The following FGGY variants were observed in gnomAD, a reference collection of about 807,000 sequenced individuals.
FGGY encodes the protein FGGY carbohydrate kinase domain-containing protein.
FGGY carries 72 observed loss-of-function variants against 71.3 expected under a neutral mutation model. The ratio of observed to expected loss-of-function variants is 1.01; its 90% CI spans 0.84 to 1.23. The LOEUF (loss-of-function observed/expected upper bound fraction) is 1.23. FGGY is among the 50% of genes most tolerant of loss of function. FGGY has a pLI of 0.00. For missense variants in FGGY, 668 were observed against 682.3 expected (o/e 0.98, Z 0.23); for synonymous variants, 251 against 250.3 (o/e 1.00, Z -0.02).
intron 5 of FGGY, among the ~76,000 whole-genome samples, chr1:59,412,191 T>C (rs767500480): frequency 1.4e-4 from 21 of 152,192 alleles, no homozygotes; most frequent in Non-Finnish European, 2.6e-4. Flanking sequence ...CCTCACCTCA[T>C]GCTGCATGCT....
intron 7 of FGGY, among the ~76,000 whole-genome samples, chr1:59,533,803 A>T (rs989980363): frequency 4.6e-5 from 7 of 152,228 alleles, no homozygotes; most frequent in Non-Finnish European, 7.3e-5. Flanking sequence ...ACAAACAGAA[A>T]GGACATCCAC....
chr1:59,371,784 T>G (rs2057691991), intron 4 of FGGY, among the ~76,000 whole-genome samples: 1 of 152,130 alleles, frequency 6.6e-6, no homozygotes, highest in Non-Finnish European at 1.5e-5. Flanking sequence ...ACATGGAAAC[T>G]GAACAACCTG....
chr1:59,582,769 C>T lies in FGGY; in HGVS notation c.904-25034C>T, dbSNP rs551508111. 2.6e-4 allele frequency among the ~76,000 whole-genome samples: 39 copies of T among 150,162 alleles called. 1 individual carries two copies. The highest frequency in any genetic ancestry group is 5.0e-4 in the Non-Finnish European group (34 of 67,954). ...GTGAATTCCTTGAGGACAGATATTGCGGAGCATTCATTTCTATATCACCAC... is the reference window on the plus strand; with the variant it reads ...GTGAATTCCTTGAGGACAGATATTGTGGAGCATTCATTTCTATATCACCAC... On this transcript the variant is annotated intron_variant, in intron 8 of 15. Coordinates refer to ENST00000303721, the MANE Select transcript of FGGY (RefSeq NM_018291.5).
intron 5 of FGGY, among the ~76,000 whole-genome samples, chr1:59,453,245 T>A (rs1267315970): frequency 1.3e-5 from 2 of 152,198 alleles, no homozygotes; most frequent in Non-Finnish European, 2.9e-5. Flanking sequence ...AGGAGGGAGT[T>A]GCCAGAGGCA....
rs112823613 is a variant in FGGY, at chr1:59,611,589, T to C, written c.1011+3679T>C. ...AAACTGAAAATTCTAAAAATCAGAG[T>C]GCCTCTCCTCCTCCAAAGGAACGCA... On this transcript the variant is annotated intron_variant, in intron 9 of 15. Transcript: ENST00000303721. Among the ~76,000 whole-genome samples the C allele has an allele frequency of 8.5e-3, 1,297 of 152,192 alleles. 24 individuals carry two copies. Among genetic ancestry groups the C allele is most frequent in the African/African-American group, 0.03 (1,236 of 41,508 alleles).
chr1:59,361,731 C>G (rs2055562549), intron 4 of FGGY, among the ~76,000 whole-genome samples: 1 of 152,192 alleles, frequency 6.6e-6, no homozygotes, highest in African/African-American at 2.4e-5. Context: ...CCCGACTCTT[C>G]TATCTCAAAG....
chr1:59,694,030 G>A (rs900605636), intron 14 of FGGY, among the ~76,000 whole-genome samples: 10 of 149,978 alleles, frequency 6.7e-5, no homozygotes, highest in African/African-American at 2.2e-4. Context: ...GGCCGGGCGC[G>A]GTGGCTCACG....
At chr1:59,752,353 A>G (rs1472301299) in intron 14 of FGGY, among the ~76,000 whole-genome samples, 3 of 152,166 alleles carry the variant, frequency 2.0e-5, no homozygotes, top group Non-Finnish European at 4.4e-5. Context: ...CTGGGAGTTC[A>G]TATATAGCTT....
intron 5 of FGGY, among the ~76,000 whole-genome samples, chr1:59,405,971 T>C (rs867250884): frequency 6.6e-6 from 1 of 151,656 alleles, no homozygotes; most frequent in Non-Finnish European, 1.5e-5. Context: ...CCCCACTTAA[T>C]TGCAAGCTCA....
chr1:59,533,261 G>A (rs1023254486), intron 7 of FGGY, among the ~76,000 whole-genome samples: 4 of 152,140 alleles, frequency 2.6e-5, no homozygotes, highest in South Asian at 2.1e-4. Context: ...CTGGAAAATC[G>A]GGTGACTCCC....
chr1:59,483,743 T>A (rs1413172347), intron 6 of FGGY, among the ~76,000 whole-genome samples: 1 of 152,144 alleles, frequency 6.6e-6, no homozygotes, highest in Non-Finnish European at 1.5e-5. Flanking sequence ...ACAGTTTAAA[T>A]CAACAGCAAA....
At chr1:59,474,661 A>T (rs747855888) in intron 6 of FGGY, among the ~76,000 whole-genome samples, 1 of 152,256 alleles carries the variant, frequency 6.6e-6, no homozygotes, top group East Asian at 1.9e-4. Context: ...ATCTTCAGTC[A>T]TGCAAATGTA....
intron 6 of FGGY, among the ~76,000 whole-genome samples, chr1:59,471,450 T>C (rs926672278): frequency 7.2e-5 from 11 of 152,210 alleles, no homozygotes; most frequent in Non-Finnish European, 1.0e-4. Flanking sequence ...TGAGATTTGC[T>C]TTTGCCTGTC....
At chr1:59,350,370 C>T (rs1295537866) in intron 4 of FGGY, among the ~76,000 whole-genome samples, 1 of 152,110 alleles carries the variant, frequency 6.6e-6, no homozygotes, top group Non-Finnish European at 1.5e-5. Context: ...GTACTATGCA[C>T]TGTGATATAG....
rs905357335 is a variant in FGGY at position 59,357,390 on chromosome 1, A to G, written c.465+10992A>G. Among the ~76,000 whole-genome samples, 5 of 152,196 alleles carry G rather than the reference A, an allele frequency of 3.3e-5. No homozygotes were observed. In the South Asian group the frequency reaches 8.3e-4, roughly 25 times the overall value. On this transcript the variant is annotated intron_variant, in intron 4 of 15. Coordinates refer to ENST00000303721, the MANE Select transcript of FGGY (RefSeq NM_018291.5). ...TTATGGCTATGGCAGACTTTCATAA[A>G]TATTTCCTTTATATGATCTATGACA...
intron 8 of FGGY, among the ~76,000 whole-genome samples, chr1:59,568,059 T>C (rs1007094842): frequency 6.6e-6 from 1 of 152,098 alleles, no homozygotes; most frequent in Non-Finnish European, 1.5e-5. Context: ...ATACTGTATA[T>C]ATACAATATA....
At chr1:59,668,361 G>C (rs978728453) in intron 13 of FGGY, among the ~76,000 whole-genome samples, 1 of 152,190 alleles carries the variant, frequency 6.6e-6, no homozygotes, top group Admixed American at 6.5e-5. Flanking sequence ...GGCAGGGCAA[G>C]GGGAGGGAAA....
chr1:59,330,411 A>T (rs2048235805), intron 2 of FGGY, among the ~76,000 whole-genome samples: 1 of 152,222 alleles, frequency 6.6e-6, no homozygotes, highest in African/African-American at 2.4e-5. Flanking sequence ...TTTACTAAAA[A>T]TACAAAAATT....
At chr1:59,534,393 T>C (rs908241404) in intron 7 of FGGY, among the ~76,000 whole-genome samples, 3 of 151,798 alleles carry the variant, frequency 2.0e-5, no homozygotes, top group Non-Finnish European at 2.9e-5. Context: ...TGGAACCAAG[T>C]TGAAAAACAC....
Sources: gnomAD v4.1 joint callset for allele counts (sites outside exome capture counted in the v4.1 genomes callset) on GRCh38, gnomAD v4.1.1 for gene constraint, MANE v1.5 for transcripts, NCBI Gene and HGNC (gene_info 2026-07-23, HGNC 2026-07-21) for gene names.